Variants in C1orf141 observed in about 807,000 individuals in gnomAD.
C1orf141 encodes uncharacterized protein C1orf141.
C1orf141 carries 19 observed loss-of-function variants against 23.2 expected under a neutral mutation model. The ratio of observed to expected loss-of-function variants is 0.82; its 90% CI spans 0.57 to 1.20. The LOEUF is 1.20. C1orf141 is among the 50% of genes most tolerant of loss of function. C1orf141 has a pLI of 0.00. For missense variants in C1orf141, 469 were observed against 455.1 expected, an observed-to-expected ratio of 1.03 and a Z score of -0.28; for synonymous variants, 153 against 154.6, an observed-to-expected ratio of 0.99 and a Z score of 0.08.
At chr1:67,120,022 C>A (rs1236764165) in intron 4 of C1orf141, among the ~76,000 whole-genome samples, 1 of 152,216 alleles carries the variant, frequency 6.6e-6, no homozygotes, top group Non-Finnish European at 1.5e-5. Flanking sequence ...GGTGAGACCC[C>A]TGCCTGAGTG....
At chr1:67,111,233 A>T (rs375468444) in intron 5 of C1orf141, among the ~76,000 whole-genome samples, 1 of 152,062 alleles carries the variant, frequency 6.6e-6, no homozygotes, top group East Asian at 1.9e-4. Flanking sequence ...ACATTAAAAG[A>T]TTAACAAATT....
Position 67,125,862 on chromosome 1 carries a change from G to A in C1orf141, c.123C>T (p.Pro41=). 1 of 1,613,454 alleles carries A rather than the reference G, an allele frequency of 6.2e-7. No homozygotes were observed. The highest frequency in any genetic ancestry group is 8.5e-7 in the Non-Finnish European group (1 of 1,179,802). ...ATTCCAACTGAAAATCAAATGTCAG[G>A]GGTATAGCCATAGTTGTTTTTCTTC... is the stretch of plus-strand genomic sequence containing the variant. ...SEGRKTTMAI[P]LTFDFQLEFE... The change falls in exon 4 of 8, where the codon CCC becomes CCT. Residue 41 remains proline, a synonymous_variant. Transcript: ENST00000684719.
At chr1:67,133,596 A>T (rs900090290) in intron 1 of C1orf141, among the ~76,000 whole-genome samples, 3 of 152,350 alleles carry the variant, frequency 2.0e-5, no homozygotes, top group African/African-American at 7.2e-5. Flanking sequence ...AGGCCCCAGG[A>T]TCTCAGACTG....
At chr1:67,097,090 G>C (rs1645697111) in intron 5 of C1orf141, among the ~76,000 whole-genome samples, 1 of 152,062 alleles carries the variant, frequency 6.6e-6, no homozygotes, top group Admixed American at 6.6e-5. Context: ...GGGGCATGGT[G>C]GTGCGCCCCT....
chr1:67,104,388 A>G (rs948480302), intron 5 of C1orf141, among the ~76,000 whole-genome samples: 2 of 152,180 alleles, frequency 1.3e-5, no homozygotes, highest in Non-Finnish European at 2.9e-5. Flanking sequence ...TATTGGGATT[A>G]AAAGATAAGT....
At chr1:67,119,010 C>G (rs1646251104) in intron 4 of C1orf141, among the ~76,000 whole-genome samples, 1 of 152,174 alleles carries the variant, frequency 6.6e-6, no homozygotes, top group African/African-American at 2.4e-5. Context: ...GCTGCTGTAA[C>G]AAGTACTTGA....
Position 67,093,001 on chromosome 1 carries a change from T to C in C1orf141, c.*4A>G. Reference sequence around the variant, plus strand: ...TACTCAAATATTGCTGCATACATAATATTTTATGAGGCATTTAAAATTTCA... The same window carrying C: ...TACTCAAATATTGCTGCATACATAACATTTTATGAGGCATTTAAAATTTCA... On this transcript the variant is annotated 3_prime_UTR_variant, in exon 8 of 8. Coordinates refer to ENST00000684719, the MANE Select transcript of C1orf141 (RefSeq NM_001276351.2). 2 of 1,569,854 alleles carry C rather than the reference T, an allele frequency of 1.3e-6. No homozygotes were observed. The highest frequency in any genetic ancestry group is 8.7e-7 in the Non-Finnish European group (1 of 1,151,550).
At chr1:67,100,403 C>T (rs75194621) in intron 5 of C1orf141, among the ~76,000 whole-genome samples, 1,630 of 152,218 alleles carry the variant, frequency 0.011, 15 homozygotes, top group Non-Finnish European at 0.017. Flanking sequence ...TTTTAAGTTA[C>T]CTAGTAGCAT....
chr1:67,139,523 T>A (rs1208440267), upstream of C1orf141, among the ~76,000 whole-genome samples: 1 of 152,184 alleles, frequency 6.6e-6, no homozygotes, highest in Non-Finnish European at 1.5e-5. Flanking sequence ...AGTCCTAGGC[T>A]TTTTCCCCAT....
chr1:67,113,677 G>T, intron 5 of C1orf141: 1 of 1,255,912 alleles, frequency 8.0e-7, no homozygotes, highest in Non-Finnish European at 1.0e-6. Context: ...GTCTTTGTAA[G>T]AAGTACAAGT....
At chr1:67,103,212 T>A (rs754688360) in intron 5 of C1orf141, 1 of 1,315,042 alleles carries the variant, frequency 7.6e-7, no homozygotes, top group South Asian at 1.7e-5. Context: ...TTCAGTTATT[T>A]CAATGTAAAC....
intron 5 of C1orf141, among the ~76,000 whole-genome samples, chr1:67,101,046 T>C (rs1449882440): frequency 1.3e-5 from 2 of 152,048 alleles, no homozygotes; most frequent in Admixed American, 6.6e-5. Context: ...GCAACTTAGT[T>C]TGGTAGTTGG....
intron 1 of C1orf141, among the ~76,000 whole-genome samples, chr1:67,131,485 G>A (rs558384869): frequency 6.6e-6 from 1 of 152,148 alleles, no homozygotes; most frequent in African/African-American, 2.4e-5. Context: ...ATCAGGACCA[G>A]TTCCAGCCCA....
upstream of C1orf141, chr1:67,139,186 A>T (rs1305982976): frequency 1.9e-4 from 29 of 152,300 alleles, no homozygotes. Flanking sequence ...TGTATAAACC[A>T]GTCTGATTTA....
chr1:67,111,879 C>G (rs1009929534), intron 5 of C1orf141, among the ~76,000 whole-genome samples: 3 of 152,020 alleles, frequency 2.0e-5, no homozygotes, highest in Admixed American at 6.6e-5. Context: ...TATGATAAAG[C>G]TATATTGTCT....
chr1:67,092,687 G>C lies in C1orf141; in HGVS notation c.*318C>G. ...TTTGGCTTCCAACAGCGCATTTCCA[G>C]AGTCAGACTATGCCTTTCTTGGTCC... On this transcript the variant is annotated 3_prime_UTR_variant, in exon 8 of 8. Transcript: ENST00000684719. The C allele has an allele frequency of 5.6e-6, 1 of 178,208 alleles. No individual in the cohort carries two copies. Among genetic ancestry groups the C allele is most frequent in the Non-Finnish European group, 1.2e-5 (1 of 84,302 alleles). 11.0% of individuals were successfully genotyped at this position (178,208 alleles called of 1,614,324 possible).
At chr1:67,105,765 T>TG (rs1645912892) in intron 5 of C1orf141, among the ~76,000 whole-genome samples, 1 of 152,188 alleles carries the variant, frequency 6.6e-6, no homozygotes, top group Non-Finnish European at 1.5e-5. Flanking sequence ...CTGACTTGCA[T>TG]GGGGTGGAGC....
intron 5 of C1orf141, among the ~76,000 whole-genome samples, chr1:67,105,901 C>G (rs1645916147): frequency 6.6e-6 from 1 of 152,104 alleles, no homozygotes; most frequent in Admixed American, 6.6e-5. Flanking sequence ...TTAGGACAAA[C>G]AGAGCTGCTG....
intron 4 of C1orf141, among the ~76,000 whole-genome samples, chr1:67,124,920 C>T (rs762806407): frequency 1.3e-5 from 2 of 152,182 alleles, no homozygotes; most frequent in African/African-American, 2.4e-5. Flanking sequence ...ATCCACACTA[C>T]TACCAATGTC....
Sources: allele counts gnomAD v4.1 joint callset (sites outside exome capture counted in the v4.1 genomes callset), GRCh38; gene constraint gnomAD v4.1.1; transcripts MANE v1.5; gene names NCBI Gene and HGNC (gene_info 2026-07-23, HGNC 2026-07-21).